Variants in GRIA4 observed in about 807,000 individuals in gnomAD.
The protein encoded by GRIA4 is glutamate ionotropic receptor AMPA type subunit 4.
In GRIA4, 34 loss-of-function variants were observed where a neutral mutation model predicts 104.0. The ratio of observed to expected loss-of-function variants is 0.33; its 90% confidence interval spans 0.25 to 0.44. The LOEUF (loss-of-function observed/expected upper bound fraction) is 0.44, where lower values mean the gene tolerates loss of function less well. GRIA4 is among the 20% of genes least tolerant of loss of function. GRIA4 has a pLI of 1.00. For synonymous variants in GRIA4, 386 were observed against 381.9 expected (o/e 1.01, Z -0.13); for missense variants, 750 against 1,096.5 (o/e 0.68, Z 4.46).
intron 3 of GRIA4, among the ~76,000 whole-genome samples, chr11:105,724,275 T>A (rs936392657): frequency 4.0e-5 from 6 of 151,730 alleles, no homozygotes; most frequent in Admixed American, 1.3e-4. Flanking sequence ...AGGGACAGAA[T>A]CAATAACCTA....
chr11:105,748,890 G>T (rs1939831791), intron 3 of GRIA4, among the ~76,000 whole-genome samples: 1 of 152,130 alleles, frequency 6.6e-6, no homozygotes, highest in Admixed American at 6.5e-5. Flanking sequence ...ACATGAATCT[G>T]GAATTCAAGA....
At chr11:105,692,606 C>G (rs1414706429) in intron 3 of GRIA4, among the ~76,000 whole-genome samples, 1 of 152,122 alleles carries the variant, frequency 6.6e-6, no homozygotes, top group African/African-American at 2.4e-5. Context: ...AGCCATTTGT[C>G]TAATTATGCT....
In GRIA4 at chr11:105,894,530, C is replaced by T. The variant is rs143078103; in HGVS notation, c.727-3739C>T. 1.1e-3 allele frequency among the ~76,000 whole-genome samples: 161 copies of T among 152,244 alleles called. 1 individual carries two copies. Among genetic ancestry groups the T allele is most frequent in the East Asian group, 7.7e-4 (4 of 5,176 alleles). ...GCTGTTAGCTCGTATACCTGGGCCT[C>T]TTGACAGCAATTTTTGCTCAGTTGC... On this transcript the variant is annotated intron_variant, in intron 6 of 16. Transcript: ENST00000282499.
Position 105,689,762 on chromosome 11 carries a change from T to A in GRIA4, c.248-63219T>A, listed in dbSNP as rs533315611. On this transcript the variant is annotated intron_variant, in intron 3 of 16. Coordinates refer to ENST00000282499, the MANE Select transcript of GRIA4 (RefSeq NM_000829.4). ...TTGATTTTATTCTCTCTCCTTTTCC[T>A]TAGTATCCGCAAGGCATGTAATACA... 2.6e-5 allele frequency among the ~76,000 whole-genome samples: 4 copies of A among 152,346 alleles called. No individual in the cohort carries two copies. The East Asian group carries it at 7.7e-4, about 29-fold the overall frequency.
intron 8 of GRIA4, among the ~76,000 whole-genome samples, chr11:105,904,895 C>T (rs563926488): frequency 6.6e-6 from 1 of 152,200 alleles, no homozygotes; most frequent in East Asian, 1.9e-4. Context: ...AAAAAATTGC[C>T]ATTCCTATAA....
intron 3 of GRIA4, among the ~76,000 whole-genome samples, chr11:105,685,934 TA>T (rs373141950): frequency 2.6e-5 from 4 of 151,552 alleles, no homozygotes; most frequent in African/African-American, 9.7e-5. Context: ...AAAGTCACAT[TA>T]AAAAAAAGAA....
chr11:105,723,051 C>G (rs1937939320), intron 3 of GRIA4, among the ~76,000 whole-genome samples: 1 of 152,024 alleles, frequency 6.6e-6, no homozygotes, highest in Non-Finnish European at 1.5e-5. Flanking sequence ...AAGAACACAA[C>G]TGGACCTTGG....
chr11:105,974,233 T>G, intron 15 of GRIA4, 77 bp from the exon 16 acceptor site: 1 of 1,424,018 alleles, frequency 7.0e-7, no homozygotes, highest in Non-Finnish European at 9.7e-7. Context: ...TTCATTGGCT[T>G]TTTGGATTTC....
intron 4 of GRIA4, among the ~76,000 whole-genome samples, chr11:105,799,013 T>C (rs906264735): frequency 6.6e-6 from 1 of 152,098 alleles, no homozygotes; most frequent in Non-Finnish European, 1.5e-5. Context: ...TCATAGATAA[T>C]GAGAGAACAA....
At chr11:105,749,238 G>A (rs191923049) in intron 3 of GRIA4, among the ~76,000 whole-genome samples, 1 of 152,336 alleles carries the variant, frequency 6.6e-6, no homozygotes, top group East Asian at 1.9e-4. Flanking sequence ...CAAAGTTGAA[G>A]AGACTAGTTT....
At chr11:105,833,974 G>A (rs1263261592) in intron 4 of GRIA4, among the ~76,000 whole-genome samples, 1 of 151,868 alleles carries the variant, frequency 6.6e-6, no homozygotes, top group African/African-American at 2.4e-5. Flanking sequence ...TTCCATTCCA[G>A]AATATTTTAT....
At chr11:105,853,693 T>C (rs1944902760) in intron 4 of GRIA4, among the ~76,000 whole-genome samples, 1 of 152,186 alleles carries the variant, frequency 6.6e-6, no homozygotes, top group South Asian at 2.1e-4. Context: ...AAATATCTCC[T>C]GGCTCTTATA....
intron 3 of GRIA4, among the ~76,000 whole-genome samples, chr11:105,658,699 A>G (rs1951915071): frequency 1.3e-5 from 2 of 151,988 alleles, no homozygotes; most frequent in African/African-American, 4.8e-5. Context: ...AGAAATGTAT[A>G]GGGATATAAG....
chr11:105,898,371 G>C lies in GRIA4; in HGVS notation c.829G>C (p.Asp277His). ...FNTPMVIKLM[D>H]RWKKLDQREY... The stretch of plus-strand genomic sequence containing the variant: ...TACACCTATGGTAATCAAACTAATG[G>C]ATCGCTGGAAGAAACTAGATCAGAG... Residue 277 changes from aspartate to histidine, a missense_variant, in exon 7 of 17, where the codon GAT (aspartate) becomes CAT (histidine). Coordinates refer to ENST00000282499, the MANE Select transcript of GRIA4 (RefSeq NM_000829.4). 1 of 1,595,140 alleles carries C rather than the reference G, an allele frequency of 6.3e-7. No homozygotes were observed. The highest frequency in any genetic ancestry group is 8.6e-7 in the Non-Finnish European group (1 of 1,163,106).
At chr11:105,857,037 T>C (rs1945032367) in intron 4 of GRIA4, among the ~76,000 whole-genome samples, 1 of 152,272 alleles carries the variant, frequency 6.6e-6, no homozygotes, top group East Asian at 1.9e-4. Flanking sequence ...CATAAATAAA[T>C]ACTATAGTTA....
intron 3 of GRIA4, among the ~76,000 whole-genome samples, chr11:105,739,253 C>T (rs1214348996): frequency 1.3e-5 from 2 of 152,250 alleles, no homozygotes; most frequent in Non-Finnish European, 2.9e-5. Context: ...GATGGCCTGA[C>T]TCCGGAAAGA....
intron 11 of GRIA4, among the ~76,000 whole-genome samples, chr11:105,921,386 A>T (rs999848359): frequency 2.6e-5 from 4 of 151,030 alleles, no homozygotes; most frequent in Non-Finnish European, 5.9e-5. Flanking sequence ...AGCACATTCC[A>T]TGGTCCACTA....
At chr11:105,637,773 T>C (rs1018671160) in intron 3 of GRIA4, among the ~76,000 whole-genome samples, 2 of 152,170 alleles carry the variant, frequency 1.3e-5, no homozygotes, top group African/African-American at 2.4e-5. Flanking sequence ...TCGAGGGCTA[T>C]TATAGCATAT....
chr11:105,967,451 C>T (rs915555200), intron 14 of GRIA4, among the ~76,000 whole-genome samples: 16 of 152,106 alleles, frequency 1.1e-4, no homozygotes, highest in African/African-American at 3.9e-4. Context: ...ATTTGTTGGA[C>T]ATAAATATTT....
Sources: allele counts gnomAD v4.1 joint callset (sites outside exome capture counted in the v4.1 genomes callset), GRCh38; gene constraint gnomAD v4.1.1; transcripts MANE v1.5; gene names NCBI Gene and HGNC (gene_info 2026-07-23, HGNC 2026-07-21).